Variants in UNC13C observed in about 807,000 individuals in gnomAD.
UNC13C encodes the protein unc-13 homolog C.
A neutral mutation model predicts 245.4 loss-of-function variants in UNC13C; 174 were observed. That is an observed-to-expected ratio of 0.71 (90% CI 0.63 to 0.80). UNC13C has a LOEUF of 0.80. Ranked by LOEUF, UNC13C falls within the 30% of genes least tolerant of loss-of-function variation. The pLI is 0.00. For missense variants in UNC13C, 2,829 were observed against 2,602.9 expected (o/e 1.09, Z -1.89); for synonymous variants, 992 against 895.1 (o/e 1.11, Z -1.93).
chr15:54,464,457 T>C (rs1262880302), intron 19 of UNC13C, among the ~76,000 whole-genome samples: 2 of 152,130 alleles, frequency 1.3e-5, no homozygotes, highest in Non-Finnish European at 2.9e-5. Flanking sequence ...AAATAAACAT[T>C]ATAATTATTT....
chr15:54,333,439 C>G (rs1284048535), intron 15 of UNC13C, among the ~76,000 whole-genome samples: 5 of 151,836 alleles, frequency 3.3e-5, no homozygotes, highest in African/African-American at 1.2e-4. Context: ...CCTATGTATG[C>G]TATACTTAAT....
intron 2 of UNC13C, among the ~76,000 whole-genome samples, chr15:54,023,774 T>C (rs1236796565): frequency 6.6e-6 from 1 of 152,172 alleles, no homozygotes; most frequent in Non-Finnish European, 1.5e-5. Context: ...GAGGAAAATA[T>C]TAACTGACGA....
At chr15:53,957,194 T>C in the UNC13C span, among the ~76,000 whole-genome samples, 1 of 152,126 alleles carries the variant, frequency 6.6e-6, no homozygotes, top group Non-Finnish European at 1.5e-5. Context: ...GAGGCTGGAG[T>C]GCAGTGCCAC....
At chr15:54,154,430 A>C (rs1181057913) in intron 4 of UNC13C, among the ~76,000 whole-genome samples, 1 of 152,180 alleles carries the variant, frequency 6.6e-6, no homozygotes. Flanking sequence ...TATATTAATA[A>C]TGGAATTAAT....
intron 2 of UNC13C, among the ~76,000 whole-genome samples, chr15:54,039,428 C>T (rs1323835344): frequency 6.6e-6 from 1 of 152,030 alleles, no homozygotes; most frequent in Non-Finnish European, 1.5e-5. Flanking sequence ...GTTGCATATC[C>T]CTTGGGTCTT....
intron 30 of UNC13C, among the ~76,000 whole-genome samples, chr15:54,593,468 A>T (rs552797972): frequency 6.6e-6 from 1 of 152,176 alleles, no homozygotes; most frequent in African/African-American, 2.4e-5. Context: ...TTGGTCATTT[A>T]ACATAATCCC....
chr15:54,430,586 T>A (rs1396352106), intron 19 of UNC13C, among the ~76,000 whole-genome samples: 2 of 151,654 alleles, frequency 1.3e-5, no homozygotes, highest in Non-Finnish European at 3.0e-5. Flanking sequence ...TAATAGAAAT[T>A]AAGGTACACA....
At chr15:54,175,777 G>T (rs1427378243) in intron 4 of UNC13C, among the ~76,000 whole-genome samples, 1 of 152,078 alleles carries the variant, frequency 6.6e-6, no homozygotes, top group Non-Finnish European at 1.5e-5. Flanking sequence ...ATTTGGCATT[G>T]CTCTGCCATT....
At chr15:54,261,573 C>T (rs745855485) in intron 8 of UNC13C, among the ~76,000 whole-genome samples, 1 of 150,526 alleles carries the variant, frequency 6.6e-6, no homozygotes, top group Non-Finnish European at 1.5e-5. Flanking sequence ...GACGGAGTCT[C>T]GCTCTGTCGC....
intron 2 of UNC13C, among the ~76,000 whole-genome samples, chr15:54,079,911 A>C (rs1027794138): frequency 1.5e-4 from 22 of 151,282 alleles, no homozygotes; most frequent in African/African-American, 5.3e-4. Flanking sequence ...AAGTCTTTCA[A>C]CTTTTCCCCA....
In UNC13C at chr15:54,014,009, G is replaced by A; in HGVS notation, c.1106G>A (p.Cys369Tyr). The change falls in exon 2 of 33, where the codon TGC becomes TAC. Residue 369 changes from cysteine (C) to tyrosine (Y), a missense_variant. Physicochemically the swap from Cys to Tyr is radical, Grantham distance 194. Transcript: ENST00000260323. ...CAGAGGATAGGACACCAGAGAGACT[G>A]CCCAAATGCAAAGCCTCGACCCATA... ...FAQRIGHQRD[C>Y]PNAKPRPILV... 1 of 1,613,798 alleles carries A rather than the reference G, an allele frequency of 6.2e-7. No individual in the cohort carries two copies. The highest frequency in any genetic ancestry group is 1.7e-4 in the Middle Eastern group (1 of 6,060).
chr15:54,593,791 C>T (rs1312093716), intron 30 of UNC13C, among the ~76,000 whole-genome samples: 3 of 152,122 alleles, frequency 2.0e-5, no homozygotes, highest in Non-Finnish European at 4.4e-5. Flanking sequence ...TGGTCCCTCC[C>T]TGAGTAGCTT....
intron 30 of UNC13C, among the ~76,000 whole-genome samples, chr15:54,618,423 G>A (rs1304629566): frequency 2.6e-5 from 4 of 152,104 alleles, no homozygotes; most frequent in Admixed American, 2.6e-4. Flanking sequence ...AACAGGCAAA[G>A]CCTCTCATTA....
chr15:54,589,511 C>A (rs539069943), intron 30 of UNC13C, among the ~76,000 whole-genome samples: 2 of 151,790 alleles, frequency 1.3e-5, no homozygotes, highest in Non-Finnish European at 2.9e-5. Context: ...GTTGACCAGG[C>A]TGGTCTTGAA....
At chr15:54,397,669 A>T (rs1277807658) in intron 18 of UNC13C, among the ~76,000 whole-genome samples, 2 of 151,434 alleles carry the variant, frequency 1.3e-5, no homozygotes, top group Non-Finnish European at 3.0e-5. Flanking sequence ...TGGCATGTAC[A>T]TGCATTAAGG....
In UNC13C at chr15:54,549,492, A is replaced by G. The variant is rs1202833675; in HGVS notation, c.5821-143A>G. On this transcript the variant is annotated intron_variant, in intron 27 of 32. Transcript: ENST00000260323. ...ACTAGATATATTTGACCCAATCTTT[A>G]TAATAGACCAATTAAGGGCATCTGG... 4.8e-6 allele frequency: 3 copies of G among 631,446 alleles called. No individual in the cohort carries two copies. The East Asian group carries it at 8.1e-5, about 17-fold the overall frequency. 39.1% of individuals were successfully genotyped at this position (631,446 alleles called of 1,614,324 possible).
the UNC13C span, among the ~76,000 whole-genome samples, chr15:53,933,362 C>CAT: frequency 6.6e-6 from 1 of 151,844 alleles, no homozygotes; most frequent in South Asian, 2.1e-4. Flanking sequence ...TATATATATA[C>CAT]ATATATATAT....
At chr15:53,995,324 A>T (rs752272326) in intron 1 of UNC13C, among the ~76,000 whole-genome samples, 14 of 152,164 alleles carry the variant, frequency 9.2e-5, no homozygotes, top group African/African-American at 2.9e-4. Context: ...TTAAATTGGT[A>T]TCTTACTACC....
Position 54,012,759 on chromosome 15 carries a change from T to C in UNC13C, c.-145T>C. On this transcript the variant is annotated 5_prime_UTR_variant, in exon 2 of 33. An upstream start codon of the reference 5' UTR is lost. Coordinates refer to ENST00000260323, the MANE Select transcript of UNC13C (RefSeq NM_001080534.3). Reference sequence around the variant, plus strand: ...TCTGGTTTGCACAGGACAGCGACAATGTGGCAGAGCCATGCCTGCCCTTCC... The same window carrying C: ...TCTGGTTTGCACAGGACAGCGACAACGTGGCAGAGCCATGCCTGCCCTTCC... 3.1e-6 allele frequency: 2 copies of C among 652,344 alleles called. No individual in the cohort carries two copies. The allele number at this position is 652,344 out of a possible 1,614,324, so 40.4% of individuals were successfully genotyped here. A position where few individuals can be genotyped will look rare whatever the true frequency, so the allele number is the denominator to read the frequency against.
Sources: gnomAD v4.1 joint callset for allele counts (sites outside exome capture counted in the v4.1 genomes callset) on GRCh38, gnomAD v4.1.1 for gene constraint, MANE v1.5 for transcripts, NCBI Gene and HGNC (gene_info 2026-07-23, HGNC 2026-07-21) for gene names.